Variants in DERA observed in about 807,000 individuals in gnomAD.
DERA encodes deoxyribose-phosphate aldolase.
DERA carries 15 observed loss-of-function variants against 41.1 expected under a neutral mutation model. The observed-to-expected ratio is 0.37, with a 90% CI of 0.24 to 0.56. The LOEUF (loss-of-function observed/expected upper bound fraction) is 0.56, where lower values mean the gene tolerates loss of function less well. DERA is among the 20% of genes least tolerant of loss of function. The pLI, the probability that DERA is intolerant of heterozygous loss-of-function variation, is 0.81. For synonymous variants in DERA, 139 were observed against 137.4 expected, an observed-to-expected ratio of 1.01 and a Z score of -0.08; for missense variants, 396 against 403.4, an observed-to-expected ratio of 0.98 and a Z score of 0.16.
rs1948180605 is a variant in DERA at position 15,913,749 on chromosome 12, G to A, written c.31+2335G>A. 6.6e-6 allele frequency among the ~76,000 whole-genome samples: 1 copy of A among 152,184 alleles called. No individual in the cohort carries two copies. The highest frequency in any genetic ancestry group is 1.5e-5 in the Non-Finnish European group (1 of 68,042). On this transcript the variant is annotated intron_variant, in intron 1 of 8. Coordinates refer to ENST00000428559, the MANE Select transcript of DERA (RefSeq NM_015954.4). The surrounding 1 kb of genome is among the most constrained non-coding windows in gnomAD (Gnocchi z 4.5). ...TTAAGGAAAACATTGGCATTTGGATGTATGAAAGATGTTTTCCAAATAGGG... is the reference window on the plus strand; with the variant it reads ...TTAAGGAAAACATTGGCATTTGGATATATGAAAGATGTTTTCCAAATAGGG...
At position 15,943,544 on chromosome 12, in the gene DERA, C is replaced by CT; in HGVS notation, c.32-13392_32-13391insT. 6.6e-6 allele frequency among the ~76,000 whole-genome samples: 1 copy of CT among 152,154 alleles called. No homozygotes were observed. Among genetic ancestry groups the CT allele is most frequent in the African/African-American group, 2.4e-5 (1 of 41,428 alleles). On this transcript the variant is annotated intron_variant, in intron 1 of 8. Coordinates refer to ENST00000428559, the MANE Select transcript of DERA (RefSeq NM_015954.4). This position sits in a 1 kb window ranked among gnomAD's most constrained non-coding sequence, Gnocchi z 4.5. ...TTAAGGACCTTTTAAACCCTGTTGGCCATGGCTCACCATATGCATTGTATT... is the reference window on the plus strand; with the variant it reads ...TTAAGGACCTTTTAAACCCTGTTGGCTCATGGCTCACCATATGCATTGTATT...
Position 15,999,128 on chromosome 12 carries a change from G to A in DERA, c.637+16692G>A, listed in dbSNP as rs1324060441. On this transcript the variant is annotated intron_variant, in intron 6 of 8. Transcript: ENST00000428559. This position sits in a 1 kb window ranked among gnomAD's most constrained non-coding sequence, Gnocchi z 5.3. ...GGTGAGGGCTGGAGGGAAGACTGAG[G>A]CACTGTGGGAGCGAGGAGGAGGCCA... 6.6e-6 allele frequency among the ~76,000 whole-genome samples: 1 copy of A among 152,162 alleles called. No homozygotes were observed. The highest frequency in any genetic ancestry group is 1.5e-5 in the Non-Finnish European group (1 of 68,030).
intron 3 of DERA, among the ~76,000 whole-genome samples, chr12:15,958,831 A>G (rs1231967334): frequency 6.6e-6 from 1 of 152,236 alleles, no homozygotes; most frequent in East Asian, 1.9e-4. Flanking sequence ...AGTATACATG[A>G]AAAGAAGGAC....
intron 5 of DERA, among the ~76,000 whole-genome samples, chr12:15,979,361 C>CT (rs925309529): frequency 6.6e-6 from 1 of 152,178 alleles, no homozygotes; most frequent in African/African-American, 2.4e-5. Flanking sequence ...CCCTGGGACA[C>CT]TGGACTTTTG....
At chr12:15,964,788 T>G (rs938057432) in intron 5 of DERA, among the ~76,000 whole-genome samples, 3 of 152,228 alleles carry the variant, frequency 2.0e-5, no homozygotes, top group African/African-American at 7.2e-5. Context: ...AAATATGGTT[T>G]ATATTATGCT....
intron 6 of DERA, among the ~76,000 whole-genome samples, chr12:16,028,973 T>C (rs1053992205): frequency 8.5e-5 from 13 of 152,184 alleles, no homozygotes; most frequent in African/African-American, 2.7e-4. Context: ...GTGTGGACTT[T>C]GGTTAATAGT....
In DERA at chr12:15,918,067, T is replaced by C. The variant is rs1335325579; in HGVS notation, c.31+6653T>C. 6.6e-6 allele frequency among the ~76,000 whole-genome samples: 1 copy of C among 152,196 alleles called. No individual in the cohort carries two copies. Among genetic ancestry groups the C allele is most frequent in the Non-Finnish European group, 1.5e-5 (1 of 68,030 alleles). On this transcript the variant is annotated intron_variant, in intron 1 of 8. Transcript: ENST00000428559. The surrounding 1 kb of genome is among the most constrained non-coding windows in gnomAD (Gnocchi z 4.3). ...AGTTCTGGTCCAACACCACAGGATT[T>C]ATCCCAGTGTTCTCCCTTTCCATAT...
At position 16,035,936 on chromosome 12, in the gene DERA, A is replaced by G. The variant is rs1466838459; in HGVS notation, c.751-296A>G. Among the ~76,000 whole-genome samples, 1 of 152,144 alleles carries G rather than the reference A, an allele frequency of 6.6e-6. No individual in the cohort carries two copies. Among genetic ancestry groups the G allele is most frequent in the Non-Finnish European group, 1.5e-5 (1 of 68,022 alleles). Reference sequence around the variant, plus strand: ...TTGTTTATTCCAGGTTCACAGCTATAGTCTAGATGGTGGAGGTTTATGACT... The same window carrying G: ...TTGTTTATTCCAGGTTCACAGCTATGGTCTAGATGGTGGAGGTTTATGACT... On this transcript the variant is annotated intron_variant, in intron 7 of 8. Transcript: ENST00000428559. This position sits in a 1 kb window ranked among gnomAD's most constrained non-coding sequence, Gnocchi z 4.1.
Position 15,972,378 on chromosome 12 carries a change from G to T in DERA, c.508+9431G>T. On this transcript the variant is annotated intron_variant, in intron 5 of 8. Coordinates refer to ENST00000428559, the MANE Select transcript of DERA (RefSeq NM_015954.4). The surrounding 1 kb of genome is among the most constrained non-coding windows in gnomAD (Gnocchi z 4.4). ...TGCTCCCAGAACTGTGGGGTGAACT[G>T]ATCACCCCACAGTTCACCCTTTAGA... 6.5e-6 allele frequency: 1 copy of T among 153,932 alleles called. No homozygotes were observed. The highest frequency in any genetic ancestry group is 1.9e-4 in the South Asian group (1 of 5,242). The allele number at this position is 153,932 out of a possible 1,614,324, so 9.5% of individuals were successfully genotyped here.
intron 6 of DERA, among the ~76,000 whole-genome samples, chr12:16,016,097 A>T (rs3858678): frequency 0.71 from 107,428 of 152,070 alleles, 38,480 homozygotes; most frequent in African/African-American, 0.75. Context: ...TGTAAGCATG[A>T]CTTTGTGGAA....
rs1948613887 is a variant in DERA, at chr12:15,965,173, T to C, written c.508+2226T>C. On this transcript the variant is annotated intron_variant, in intron 5 of 8. Transcript: ENST00000428559. The surrounding 1 kb of genome is among the most constrained non-coding windows in gnomAD (Gnocchi z 4.1). ...TGTTTATTAAAATATGAGCATAAAA[T>C]AATTTCTTGGAATTTGTGGATGGAA... Among the ~76,000 whole-genome samples, 1 of 152,262 alleles carries C rather than the reference T, an allele frequency of 6.6e-6. No homozygotes were observed. The highest frequency in any genetic ancestry group is 2.1e-4 in the South Asian group (1 of 4,832).
chr12:16,014,233 T>C lies in DERA; in HGVS notation c.638-18309T>C, dbSNP rs1055318251. Among the ~76,000 whole-genome samples the C allele has an allele frequency of 6.6e-6, 1 of 152,146 alleles. No individual in the cohort carries two copies. Among genetic ancestry groups the C allele is most frequent in the African/African-American group, 2.4e-5 (1 of 41,430 alleles). ...TGCATAAGTAACGAGGAGCCAAATGTTAATCACCAAGACAGTGGGGGAAAT... is the reference window on the plus strand; with the variant it reads ...TGCATAAGTAACGAGGAGCCAAATGCTAATCACCAAGACAGTGGGGGAAAT... On this transcript the variant is annotated intron_variant, in intron 6 of 8. Transcript: ENST00000428559. This position sits in a 1 kb window ranked among gnomAD's most constrained non-coding sequence, Gnocchi z 5.4.
chr12:15,977,835 G>A (rs1469720841), intron 5 of DERA, among the ~76,000 whole-genome samples: 1 of 152,216 alleles, frequency 6.6e-6, no homozygotes, highest in Non-Finnish European at 1.5e-5. Context: ...AGCGTGTGGA[G>A]AACACTGAGC....
rs758399336 is a variant in DERA, at chr12:15,982,311, T to C, written c.512T>C (p.Leu171Pro). Reference sequence around the variant, plus strand: ...CCTCAATTATTTTCTTCCCCAGCCCTGTATGATGAGATTCGTCAGTTTCGC... The same window carrying C: ...CCTCAATTATTTTCTTCCCCAGCCCCGTATGATGAGATTCGTCAGTTTCGC... Reference protein sequence around the residue: ...SLVLTGQWEALYDEIRQFRKA... With the variant: ...SLVLTGQWEAPYDEIRQFRKA... The change falls in exon 6 of 9, where the codon CTG (leucine) becomes CCG (proline). Residue 171 changes from leucine (L) to proline (P), a missense_variant. Physicochemically the swap from Leu to Pro is moderately conservative, Grantham distance 98 (BLOSUM62 -3). Transcript: ENST00000428559. This position sits in a 1 kb window ranked among gnomAD's most constrained non-coding sequence, Gnocchi z 4.0. 5 of 1,612,544 alleles carry C rather than the reference T, an allele frequency of 3.1e-6. No individual in the cohort carries two copies. The South Asian group carries it at 3.3e-5, about 11-fold the overall frequency.
chr12:16,006,324 C>T (rs191131794), intron 6 of DERA, among the ~76,000 whole-genome samples: 2 of 152,188 alleles, frequency 1.3e-5, no homozygotes, highest in East Asian at 3.9e-4. Context: ...AATTGCGTTG[C>T]CAGTGAGATT....
intron 1 of DERA, among the ~76,000 whole-genome samples, chr12:15,950,553 A>G (rs746283097): frequency 1.6e-4 from 24 of 152,184 alleles, no homozygotes; most frequent in Non-Finnish European, 2.9e-4. Flanking sequence ...AATGCAGCCC[A>G]GTAAGTTTCA....
In DERA at chr12:15,989,157, C is replaced by T. The variant is rs1204762446; in HGVS notation, c.637+6721C>T. ...CAGCTGCCCCTGGGAGCACAGGGCTCCTGCCCTACCAACATGGTAGAGGGT... is the reference window on the plus strand; with the variant it reads ...CAGCTGCCCCTGGGAGCACAGGGCTTCTGCCCTACCAACATGGTAGAGGGT... On this transcript the variant is annotated intron_variant, in intron 6 of 8. Coordinates refer to ENST00000428559, the MANE Select transcript of DERA (RefSeq NM_015954.4). This position sits in a 1 kb window ranked among gnomAD's most constrained non-coding sequence, Gnocchi z 5.2. Among the ~76,000 whole-genome samples the T allele has an allele frequency of 6.6e-6, 1 of 152,200 alleles. No individual in the cohort carries two copies. The highest frequency in any genetic ancestry group is 3.2e-3 in the Middle Eastern group (1 of 316).
rs1948739350 is a variant in DERA at position 15,982,474 on chromosome 12, T to C, written c.637+38T>C. On this transcript the variant is annotated intron_variant, in intron 6 of 8. Coordinates refer to ENST00000428559, the MANE Select transcript of DERA (RefSeq NM_015954.4). The surrounding 1 kb of genome is among the most constrained non-coding windows in gnomAD (Gnocchi z 4.0). ...TGTTCAAATAATGTTTTCTATTGAATTGATGTTTTTAGGAGAAATTAAGTA... is the reference window on the plus strand; with the variant it reads ...TGTTCAAATAATGTTTTCTATTGAACTGATGTTTTTAGGAGAAATTAAGTA... The C allele has an allele frequency of 6.4e-7, 1 of 1,560,132 alleles. No homozygotes were observed.
Position 15,911,739 on chromosome 12 carries a change from A to C in DERA, c.31+325A>C. On this transcript the variant is annotated intron_variant, in intron 1 of 8. Transcript: ENST00000428559. This position sits in a 1 kb window ranked among gnomAD's most constrained non-coding sequence, Gnocchi z 4.5. ...ACCCAAAAAACAAAACCCAAAACAA[A>C]CAACCCCCAAGCAGGTAAAAACAGA... 1.6e-6 allele frequency: 1 copy of C among 607,174 alleles called. No individual in the cohort carries two copies. 37.6% of individuals were successfully genotyped at this position (607,174 alleles called of 1,614,324 possible).
Sources: gnomAD v4.1 joint callset for allele counts (sites outside exome capture counted in the v4.1 genomes callset) on GRCh38, gnomAD v4.1.1 for gene constraint, Gnocchi (gnomAD v3.1) non-coding constraint, MANE v1.5 for transcripts, NCBI Gene and HGNC (gene_info 2026-07-23, HGNC 2026-07-21) for gene names.